PSPC1: variants seen among roughly 807,000 people sequenced by gnomAD.
The protein encoded by PSPC1 is paraspeckle component 1.
A neutral mutation model predicts 51.6 loss-of-function variants in PSPC1; 14 were observed. The ratio of observed to expected loss-of-function variants is 0.27; its 90% CI spans 0.18 to 0.42. The LOEUF (loss-of-function observed/expected upper bound fraction) is 0.42, where lower values mean the gene tolerates loss of function less well. Ranked by LOEUF, PSPC1 falls within the 10% of genes least tolerant of loss-of-function variation. The probability of loss-of-function intolerance (pLI) is 1.00; values close to 1 mark genes in which losing one functional copy is unlikely to be tolerated. For missense variants in PSPC1, 406 were observed against 701.1 expected, an observed-to-expected ratio of 0.58 and a Z score of 4.75; for synonymous variants, 193 against 231.9, an observed-to-expected ratio of 0.83 and a Z score of 1.53.
chr13:19,765,001 T>C (rs1887930192), intron 2 of PSPC1, among the ~76,000 whole-genome samples: 1 of 152,132 alleles, frequency 6.6e-6, no homozygotes, highest in Non-Finnish European at 1.5e-5. Context: ...ACAATTTATT[T>C]CTGCACTGAA....
intron 8 of PSPC1, among the ~76,000 whole-genome samples, chr13:19,704,935 C>G (rs1463162086): frequency 6.6e-6 from 1 of 152,026 alleles, no homozygotes; most frequent in East Asian, 1.9e-4. Flanking sequence ...AAATTCTTTG[C>G]AATAAATCAT....
rs137902738 is a variant in PSPC1 at position 19,738,393 on chromosome 13, G to A, written c.1052+3172C>T. Among the ~76,000 whole-genome samples the A allele has an allele frequency of 5.8e-4, 88 of 152,242 alleles. 1 individual carries two copies. Among genetic ancestry groups the A allele is most frequent in the Admixed American group, 5.6e-3 (85 of 15,284 alleles). On this transcript the variant is annotated intron_variant, in intron 5 of 8. Coordinates refer to ENST00000338910, the MANE Select transcript of PSPC1 (RefSeq NM_001354909.2). The stretch of plus-strand genomic sequence containing the variant: ...GATGCTCAACTCCCTGACATATGGT[G>A]TAGTATTCGCATATAACCTATGCAC...
intron 4 of PSPC1, among the ~76,000 whole-genome samples, chr13:19,746,613 A>G (rs1886014910): frequency 6.6e-6 from 1 of 151,892 alleles, no homozygotes. Context: ...AGGGAGGAGA[A>G]TCACTTGAAC....
intron 1 of PSPC1, among the ~76,000 whole-genome samples, chr13:19,778,970 G>A (rs1261863995): frequency 2.8e-5 from 4 of 142,394 alleles, no homozygotes; most frequent in East Asian, 2.2e-4. Flanking sequence ...AGTGAGGAGC[G>A]TCTCTGCCCG....
At chr13:19,675,347 C>T (rs1018558144) in intron 7 of PSPC1, 2 of 152,192 alleles carry the variant, frequency 1.3e-5, no homozygotes, top group Admixed American at 1.3e-4. Flanking sequence ...TGCTGCCATA[C>T]TACTTCCCAA....
chr13:19,767,357 TCAG>T (rs1888175161), intron 2 of PSPC1, among the ~76,000 whole-genome samples: 1 of 152,012 alleles, frequency 6.6e-6, no homozygotes, highest in South Asian at 2.1e-4. Flanking sequence ...TGCTTACAAA[TCAG>T]CAACTAAGTT....
At chr13:19,688,710 T>C (rs979243535) in intron 6 of PSPC1, among the ~76,000 whole-genome samples, 3 of 152,184 alleles carry the variant, frequency 2.0e-5, no homozygotes, top group Non-Finnish European at 4.4e-5. Flanking sequence ...CCAGACCTAC[T>C]GTAGAATCAA....
intron 6 of PSPC1, among the ~76,000 whole-genome samples, chr13:19,685,578 G>C (rs754680200): frequency 6.6e-6 from 1 of 152,182 alleles, no homozygotes; most frequent in Non-Finnish European, 1.5e-5. Flanking sequence ...AATTCAGTCT[G>C]ACAGAAAGAG....
intron 8 of PSPC1, among the ~76,000 whole-genome samples, chr13:19,704,032 A>C (rs914098432): frequency 1.3e-5 from 2 of 152,278 alleles, no homozygotes; most frequent in African/African-American, 2.4e-5. Flanking sequence ...GAAAGGTTGG[A>C]TAGAACTCCC....
intron 4 of PSPC1, among the ~76,000 whole-genome samples, chr13:19,746,670 C>T (rs1886024578): frequency 6.6e-6 from 1 of 152,204 alleles, no homozygotes. Context: ...CACTGAACAC[C>T]AGCCTGGGCA....
At position 19,780,221 on chromosome 13, in the gene PSPC1, C is replaced by T. The variant is rs1204010452; in HGVS notation, c.372+2165G>A. 9.1e-5 allele frequency among the ~76,000 whole-genome samples: 13 copies of T among 142,172 alleles called. No homozygotes were observed. In the East Asian group the frequency reaches 2.6e-3, roughly 28 times the overall value. The allele number at this position is 142,172 out of a possible 152,430, so 93.3% of individuals were successfully genotyped here. On this transcript the variant is annotated intron_variant, in intron 1 of 8. Transcript: ENST00000338910. ...AGCCCCCCCGCCCGGCCAGCCACCC[C>T]GTCCGGGAGGTGAGGGGCGCCTCTG... is the stretch of plus-strand genomic sequence containing the variant.
chr13:19,672,393 C>A (rs1876184101), downstream of PSPC1: 1 of 152,938 alleles, frequency 6.5e-6, no homozygotes, highest in South Asian at 2.0e-4. Context: ...ATCCGCCCGC[C>A]TCGGCCTCCC....
At chr13:19,765,683 G>T (rs1393802119) in intron 2 of PSPC1, among the ~76,000 whole-genome samples, 2 of 149,502 alleles carry the variant, frequency 1.3e-5, no homozygotes, top group Non-Finnish European at 3.0e-5. Flanking sequence ...AAGAAATAAG[G>T]AAGTATCAGT....
downstream of PSPC1, among the ~76,000 whole-genome samples, chr13:19,673,936 CTG>C (rs1876330364): frequency 5.9e-5 from 9 of 152,218 alleles, no homozygotes; most frequent in Admixed American, 5.9e-4. Flanking sequence ...GCTTATGTGA[CTG>C]AGGACACAGA....
At chr13:19,774,681 TG>T (rs1342848668) in intron 1 of PSPC1, among the ~76,000 whole-genome samples, 3 of 151,754 alleles carry the variant, frequency 2.0e-5, no homozygotes, top group Admixed American at 6.6e-5. Context: ...GGTAAGCGCC[TG>T]TAGTCCCAGC....
chr13:19,782,502 C>T lies in PSPC1; in HGVS notation c.256G>A (p.Val86Met), dbSNP rs1303184694. Residue 86 changes from valine (V) to methionine (M), a missense_variant, in exon 1 of 9, where the codon GTG becomes ATG. Physicochemically the swap from Val to Met is conservative, Grantham distance 21 (BLOSUM62 1). Transcript: ENST00000338910. This position sits in a 1 kb window ranked among gnomAD's most constrained non-coding sequence, Gnocchi z 4.5. The stretch of plus-strand genomic sequence containing the variant: ...GTGATGTCGGTGGGCAGATTTCCCA[C>T]GAAGAGGCGGCAGCGCTGCGTGTAC... ...KTYTQRCRLF[V>M]GNLPTDITEE... 1 of 1,613,406 alleles carries T rather than the reference C, an allele frequency of 6.2e-7. No homozygotes were observed. The highest frequency in any genetic ancestry group is 1.7e-5 in the Admixed American group (1 of 59,952).
intron 6 of PSPC1, among the ~76,000 whole-genome samples, chr13:19,728,245 C>A (rs1403333972): frequency 6.6e-6 from 1 of 151,940 alleles, no homozygotes; most frequent in African/African-American, 2.4e-5. Context: ...ACTTAAAAGT[C>A]CCATAACTCT....
At chr13:19,714,032 G>A (rs1375192328) in intron 6 of PSPC1, among the ~76,000 whole-genome samples, 2 of 152,156 alleles carry the variant, frequency 1.3e-5, no homozygotes, top group African/African-American at 4.8e-5. Flanking sequence ...TTTGTCACAT[G>A]GATAAAACTG....
At chr13:19,704,127 A>T (rs1319254264) in intron 8 of PSPC1, among the ~76,000 whole-genome samples, 1 of 152,278 alleles carries the variant, frequency 6.6e-6, no homozygotes, top group South Asian at 2.1e-4. Context: ...GACAATAAAA[A>T]AATGGGACAG....
Sources: gnomAD v4.1 joint callset for allele counts (sites outside exome capture counted in the v4.1 genomes callset) on GRCh38, gnomAD v4.1.1 for gene constraint, Gnocchi (gnomAD v3.1) non-coding constraint, MANE v1.5 for transcripts, NCBI Gene and HGNC (gene_info 2026-07-23, HGNC 2026-07-21) for gene names.